The following FAM89A variants were observed in gnomAD, a reference collection of about 807,000 sequenced individuals.
FAM89A encodes protein FAM89A.
FAM89A carries 10 observed loss-of-function variants against 7.1 expected under a neutral mutation model. The ratio of observed to expected loss-of-function variants is 1.40; its 90% CI spans 0.86 to 2.38. The LOEUF (loss-of-function observed/expected upper bound fraction) is 2.38, where lower values mean the gene tolerates loss of function less well. Among genes scored for constraint, FAM89A ranks in the 30% most tolerant of loss-of-function variants. The probability of loss-of-function intolerance (pLI) is 0.00; values close to 1 mark genes in which losing one functional copy is unlikely to be tolerated. For synonymous variants in FAM89A, 157 were observed against 129.3 expected (o/e 1.21, Z -1.45); for missense variants, 276 against 262.8 (o/e 1.05, Z -0.35).
In FAM89A at chr1:231,039,999, G is replaced by T; in HGVS notation, c.213C>A (p.Gly71=). ...QDELSRGGPG[G]GGARAAALPA... Reference sequence around the variant, plus strand: ...GCAGCGCTGCCGCCCGGGCCCCGCCGCCGCCCGGGCCCCCGCGGCTCAGCT... The same window carrying T: ...GCAGCGCTGCCGCCCGGGCCCCGCCTCCGCCCGGGCCCCCGCGGCTCAGCT... The change falls in exon 1 of 2, where the codon GGC becomes GGA. Residue 71 remains glycine (G), a synonymous_variant. Transcript: ENST00000366654. 1 of 1,392,390 alleles carries T rather than the reference G, an allele frequency of 7.2e-7. No homozygotes were observed. The highest frequency in any genetic ancestry group is 9.3e-7 in the Non-Finnish European group (1 of 1,080,708). 86.3% of individuals were successfully genotyped at this position (1,392,390 alleles called of 1,614,324 possible). A position where few individuals can be genotyped will look rare whatever the true frequency, so the allele number is the denominator to read the frequency against.
intron 1 of FAM89A, among the ~76,000 whole-genome samples, chr1:231,033,964 T>C (rs551102060): frequency 2.6e-5 from 4 of 152,242 alleles, no homozygotes; most frequent in East Asian, 3.9e-4. Flanking sequence ...CTAATATATA[T>C]TCTTTTTTCA....
intron 1 of FAM89A, among the ~76,000 whole-genome samples, chr1:231,026,229 G>C (rs1381203649): frequency 1.3e-5 from 2 of 152,036 alleles, no homozygotes; most frequent in East Asian, 3.8e-4. Context: ...TGTTCCTCCC[G>C]CTCCTCTCCC....
chr1:231,031,177 T>C (rs748409188), intron 1 of FAM89A, among the ~76,000 whole-genome samples: 1 of 152,174 alleles, frequency 6.6e-6, no homozygotes, highest in Admixed American at 6.5e-5. Flanking sequence ...CATAAATCTT[T>C]TTAAATATCT....
Position 231,040,055 on chromosome 1 carries a change from G to T in FAM89A, c.157C>A (p.Leu53Met). The T allele has an allele frequency of 6.9e-7, 1 of 1,448,220 alleles. No homozygotes were observed. Among genetic ancestry groups the T allele is most frequent in the Non-Finnish European group, 9.1e-7 (1 of 1,103,372 alleles). 89.7% of individuals were successfully genotyped at this position (1,448,220 alleles called of 1,614,324 possible). A position where few individuals can be genotyped will look rare whatever the true frequency, so the allele number is the denominator to read the frequency against. ...TGGATGCGCGACTTCTGCGCGTACA[G>T]CCGCTCCAGGTGCCGCCAGCCCCCA... ...ASGGWRHLER[L>M]YAQKSRIQDE... is the part of the protein sequence containing the mutation. The change falls in exon 1 of 2, where the codon CTG becomes ATG. Residue 53 changes from leucine (L) to methionine (M), a missense_variant. Coordinates refer to ENST00000366654, the MANE Select transcript of FAM89A (RefSeq NM_198552.3).
intron 1 of FAM89A, among the ~76,000 whole-genome samples, chr1:231,025,616 T>C (rs1464750790): frequency 1.3e-5 from 2 of 151,568 alleles, no homozygotes; most frequent in Non-Finnish European, 2.9e-5. Context: ...TTGATTAGAG[T>C]TCGAAAGGAT....
chr1:231,019,440 G>A lies in FAM89A; in HGVS notation c.*423C>T, dbSNP rs1679831072. The A allele has an allele frequency of 6.1e-6, 1 of 164,222 alleles. No individual in the cohort carries two copies. Among genetic ancestry groups the A allele is most frequent in the Non-Finnish European group, 1.3e-5 (1 of 74,666 alleles). The allele number at this position is 164,222 out of a possible 1,614,324, so 10.2% of individuals were successfully genotyped here. ...GAGGAAGGGAAGCAGTGAAATGGTG[G>A]TTTTAATACATCCCAAACTGGAAGC... On this transcript the variant is annotated 3_prime_UTR_variant, in exon 2 of 2. Transcript: ENST00000366654.
chr1:231,032,331 C>T lies in FAM89A; in HGVS notation c.291+7590G>A, dbSNP rs886851756. Reference sequence around the variant, plus strand: ...CAATTTCAGAGGTATTACCAAACTGCGCTCAAAAAACCCTGCAGCACTTTA... The same window carrying T: ...CAATTTCAGAGGTATTACCAAACTGTGCTCAAAAAACCCTGCAGCACTTTA... On this transcript the variant is annotated intron_variant, in intron 1 of 1. Coordinates refer to ENST00000366654, the MANE Select transcript of FAM89A (RefSeq NM_198552.3). 5.4e-4 allele frequency among the ~76,000 whole-genome samples: 8 copies of T among 14,952 alleles called. No individual in the cohort carries two copies. In the South Asian group the frequency reaches 8.2e-3, roughly 15 times the overall value. 9.8% of individuals were successfully genotyped at this position (14,952 alleles called of 152,430 possible). A position where few individuals can be genotyped will look rare whatever the true frequency, so the allele number is the denominator to read the frequency against.
chr1:231,021,901 T>A lies in FAM89A; in HGVS notation c.292-1775A>T, dbSNP rs934102401. On this transcript the variant is annotated intron_variant, in intron 1 of 1. Transcript: ENST00000366654. ...ACAGCTGCATGGTGAGCAGTGACGATGAGTTGTTGTCCAGGGACAGAGACG... is the reference window on the plus strand; with the variant it reads ...ACAGCTGCATGGTGAGCAGTGACGAAGAGTTGTTGTCCAGGGACAGAGACG... 19 of 1,554,878 alleles carry A rather than the reference T, an allele frequency of 1.2e-5. No individual in the cohort carries two copies. The African/African-American group carries it at 2.2e-4, about 18-fold the overall frequency.
At chr1:231,030,968 G>A (rs1249676147) in intron 1 of FAM89A, among the ~76,000 whole-genome samples, 1 of 152,000 alleles carries the variant, frequency 6.6e-6, no homozygotes, top group Non-Finnish European at 1.5e-5. Context: ...AAATCAGCTG[G>A]GTGTGGTGGC....
chr1:231,020,711 G>A (rs1484712356), intron 1 of FAM89A, among the ~76,000 whole-genome samples: 1 of 152,164 alleles, frequency 6.6e-6, no homozygotes, highest in African/African-American at 2.4e-5. Context: ...ATCCCAGATG[G>A]TTCTGGGATC....
chr1:231,030,132 G>A (rs1056532530), intron 1 of FAM89A, among the ~76,000 whole-genome samples: 2 of 152,160 alleles, frequency 1.3e-5, no homozygotes, highest in African/African-American at 4.8e-5. Context: ...CTGATGACCT[G>A]GTCTCCTATG....
chr1:231,028,016 C>G (rs1680003244), intron 1 of FAM89A, among the ~76,000 whole-genome samples: 1 of 152,240 alleles, frequency 6.6e-6, no homozygotes, highest in Non-Finnish European at 1.5e-5. Context: ...CAGCACCCAG[C>G]CCAGAAACTC....
intron 1 of FAM89A, among the ~76,000 whole-genome samples, chr1:231,039,124 G>A (rs578150763): frequency 1.3e-5 from 2 of 152,256 alleles, no homozygotes; most frequent in Non-Finnish European, 2.9e-5. Context: ...CCCTGCCCTT[G>A]TCCTACTTTT....
intron 1 of FAM89A, among the ~76,000 whole-genome samples, chr1:231,036,890 T>A (rs573135504): frequency 1.7e-4 from 26 of 152,298 alleles, no homozygotes; most frequent in African/African-American, 6.0e-4. Flanking sequence ...CCAAGTGCCA[T>A]AATGAACCCC....
At position 231,019,796 on chromosome 1, in the gene FAM89A, G is replaced by T; in HGVS notation, c.*67C>A. The T allele has an allele frequency of 6.5e-7, 1 of 1,541,388 alleles. No individual in the cohort carries two copies. Among genetic ancestry groups the T allele is most frequent in the Non-Finnish European group, 8.8e-7 (1 of 1,134,564 alleles). The stretch of plus-strand genomic sequence containing the variant: ...ACGGAGGTGCTTTCTTGCAAGAGAA[G>T]CAGCAAATGATGACAGCGTGTCCAG... On this transcript the variant is annotated 3_prime_UTR_variant, in exon 2 of 2. Coordinates refer to ENST00000366654, the MANE Select transcript of FAM89A (RefSeq NM_198552.3).
At chr1:231,035,509 T>C (rs1265003149) in intron 1 of FAM89A, among the ~76,000 whole-genome samples, 1 of 152,178 alleles carries the variant, frequency 6.6e-6, no homozygotes, top group Non-Finnish European at 1.5e-5. Context: ...GCTGAAGGTC[T>C]TTGTGTCTCT....
intron 1 of FAM89A, among the ~76,000 whole-genome samples, chr1:231,024,297 T>C (rs1291854033): frequency 6.6e-6 from 1 of 152,078 alleles, no homozygotes; most frequent in Non-Finnish European, 1.5e-5. Context: ...AAATGACTCG[T>C]TTACCTAGCA....
chr1:231,021,103 G>T (rs1679869403), intron 1 of FAM89A, among the ~76,000 whole-genome samples: 1 of 152,210 alleles, frequency 6.6e-6, no homozygotes, highest in South Asian at 2.1e-4. Context: ...CTTCCACCAA[G>T]CCCCTATGGT....
chr1:231,036,401 A>C (rs1680155700), intron 1 of FAM89A, among the ~76,000 whole-genome samples: 1 of 152,152 alleles, frequency 6.6e-6, no homozygotes, highest in Admixed American at 6.5e-5. Context: ...ACGTGATCTA[A>C]AGATATTCTC....
Sources: allele counts gnomAD v4.1 joint callset (sites outside exome capture counted in the v4.1 genomes callset), GRCh38; gene constraint gnomAD v4.1.1; transcripts MANE v1.5; gene names NCBI Gene and HGNC (gene_info 2026-07-23, HGNC 2026-07-21).